Variants in NRXN3 observed in about 807,000 individuals in gnomAD.
NRXN3 encodes the protein neurexin 3, also known as neurexin III.
A neutral mutation model predicts 137.6 loss-of-function variants in NRXN3; 32 were observed. That is an observed-to-expected ratio of 0.23 (90% CI 0.18 to 0.31). The LOEUF is 0.31. NRXN3 is among the 10% of genes least tolerant of loss of function. The pLI is 1.00. For missense variants in NRXN3, 1,574 were observed against 2,062.5 expected (o/e 0.76, Z 4.59); for synonymous variants, 798 against 784.5 (o/e 1.02, Z -0.29).
At chr14:79,314,498 G>A (rs1411373721) in intron 15 of NRXN3, among the ~76,000 whole-genome samples, 19 of 31,724 alleles carry the variant, frequency 6.0e-4, no homozygotes, top group South Asian at 3.4e-3. Flanking sequence ...AGGGGCGCCC[G>A]CCATTGCCCA....
chr14:78,782,838 G>A (rs534066073), intron 8 of NRXN3, among the ~76,000 whole-genome samples: 57 of 152,310 alleles, frequency 3.7e-4, no homozygotes, highest in African/African-American at 1.3e-3. Context: ...CATTGTGCTG[G>A]TGTAATCTGT....
intron 1 of NRXN3, among the ~76,000 whole-genome samples, chr14:78,200,896 T>C (rs918398982): frequency 2.0e-5 from 3 of 152,182 alleles, no homozygotes; most frequent in African/African-American, 7.2e-5. Flanking sequence ...TATAATTTTC[T>C]GGACCTAGGT....
At position 79,574,286 on chromosome 14, in the gene NRXN3, A is replaced by C. The variant is rs564184744; in HGVS notation, c.3445-89492A>C. 2.9e-4 allele frequency among the ~76,000 whole-genome samples: 44 copies of C among 152,176 alleles called. 1 individual carries two copies. Among genetic ancestry groups the C allele is most frequent in the Admixed American group, 2.6e-3 (40 of 15,266 alleles). ...TATATCTGCAATTGTCTAAAGGTAG[A>C]TGGTATAGCATAAAGGTTAAGAGTG... On this transcript the variant is annotated intron_variant, in intron 16 of 20. Transcript: ENST00000335750.
intron 4 of NRXN3, among the ~76,000 whole-genome samples, chr14:78,429,809 T>A (rs1381253806): frequency 5.3e-5 from 8 of 152,246 alleles, no homozygotes; most frequent in Admixed American, 5.2e-4. Context: ...GCTGAAAATA[T>A]GTGTTAGTAT....
intron 16 of NRXN3, among the ~76,000 whole-genome samples, chr14:79,623,847 C>CTTTTTT (rs1484891031): frequency 2.1e-5 from 2 of 95,960 alleles, no homozygotes; most frequent in African/African-American, 1.3e-4. Context: ...TCCTTAGCTC[C>CTTTTTT]TGTTTTTTTT....
intron 16 of NRXN3, among the ~76,000 whole-genome samples, chr14:79,517,228 G>A (rs1222022794): frequency 6.6e-6 from 1 of 151,928 alleles, no homozygotes; most frequent in Non-Finnish European, 1.5e-5. Context: ...TTCTTATGAT[G>A]AGTGAGATTG....
In NRXN3 at chr14:79,460,386, C is replaced by CT. The variant is rs755835625; in HGVS notation, c.3263-6827dup. On this transcript the variant is annotated intron_variant, in intron 15 of 20. Coordinates refer to ENST00000335750, the MANE Select transcript of NRXN3 (RefSeq NM_001330195.2). Reference sequence around the variant, plus strand: ...ACCACCAGAATTAAGTAGTGGTAGACTTTTTTTTATTCATGGAAAACATTT... The same window carrying CT: ...ACCACCAGAATTAAGTAGTGGTAGACTTTTTTTTTATTCATGGAAAACATTT... Among the ~76,000 whole-genome samples the CT allele has an allele frequency of 5.9e-5, 9 of 151,968 alleles. 1 individual carries two copies. The East Asian group carries it at 7.7e-4, about 13-fold the overall frequency.
At chr14:78,335,906 AG>A (rs2081407080) in intron 4 of NRXN3, among the ~76,000 whole-genome samples, 4 of 152,346 alleles carry the variant, frequency 2.6e-5, no homozygotes, top group Admixed American at 1.3e-4. Context: ...TAAGGTAACC[AG>A]AACCCTAACT....
intron 19 of NRXN3, among the ~76,000 whole-genome samples, chr14:79,766,908 G>A (rs547880130): frequency 6.6e-6 from 1 of 152,284 alleles, no homozygotes; most frequent in South Asian, 2.1e-4. Flanking sequence ...TGCTGGAAGT[G>A]GGTTTGCAAG....
intron 4 of NRXN3, among the ~76,000 whole-genome samples, chr14:78,315,045 T>C (rs912082433): frequency 1.3e-5 from 2 of 150,930 alleles, no homozygotes; most frequent in African/African-American, 4.9e-5. Flanking sequence ...AGGGTCTTGC[T>C]CTGTCACCCA....
At chr14:78,579,281 T>A (rs1444917265) in intron 4 of NRXN3, among the ~76,000 whole-genome samples, 1 of 152,206 alleles carries the variant, frequency 6.6e-6, no homozygotes. Context: ...GATGGCAAAG[T>A]GCTCAGTTAG....
At chr14:78,713,283 TCTC>T (rs2098417790) in intron 7 of NRXN3, among the ~76,000 whole-genome samples, 1 of 152,134 alleles carries the variant, frequency 6.6e-6, no homozygotes, top group African/African-American at 2.4e-5. Context: ...TCTGACTTGA[TCTC>T]CTGCTCACCC....
intron 10 of NRXN3, among the ~76,000 whole-genome samples, chr14:78,928,746 G>A (rs1440935220): frequency 6.6e-6 from 1 of 151,882 alleles, no homozygotes; most frequent in Non-Finnish European, 1.5e-5. Context: ...TTGTGAATTA[G>A]TGCCTCAATA....
intron 16 of NRXN3, among the ~76,000 whole-genome samples, chr14:79,520,662 G>T (rs972147753): frequency 6.6e-6 from 1 of 152,140 alleles, no homozygotes; most frequent in African/African-American, 2.4e-5. Flanking sequence ...TTGTATATGT[G>T]CCACATTTTC....
At chr14:79,808,940 G>C (rs2140773691) in intron 20 of NRXN3, among the ~76,000 whole-genome samples, 1 of 152,168 alleles carries the variant, frequency 6.6e-6, no homozygotes, top group South Asian at 2.1e-4. Context: ...TTATATTTAG[G>C]AACAAGGTAA....
intron 4 of NRXN3, among the ~76,000 whole-genome samples, chr14:78,501,285 C>T (rs1035652804): frequency 2.0e-5 from 3 of 152,094 alleles, no homozygotes; most frequent in Non-Finnish European, 2.9e-5. Flanking sequence ...TCCTAAGGGT[C>T]GACTGGCAAA....
intron 10 of NRXN3, among the ~76,000 whole-genome samples, chr14:78,892,835 A>G (rs1398307362): frequency 6.7e-6 from 1 of 149,490 alleles, no homozygotes; most frequent in Non-Finnish European, 1.5e-5. Context: ...AAGGAGTCAC[A>G]CGGCTGCTTT....
chr14:78,375,672 G>A (rs1485721508), intron 4 of NRXN3, among the ~76,000 whole-genome samples: 1 of 152,164 alleles, frequency 6.6e-6, no homozygotes, highest in East Asian at 1.9e-4. Context: ...AAAATACAAT[G>A]AATGTATAGA....
chr14:78,646,722 G>T (rs8181983), intron 5 of NRXN3, among the ~76,000 whole-genome samples: 152,231 of 152,322 alleles, frequency 1, 76,071 homozygotes, highest in Middle Eastern at 1. Context: ...GAGTCCCCAA[G>T]CATCTTGACA....
Sources: allele counts gnomAD v4.1 joint callset (sites outside exome capture counted in the v4.1 genomes callset), GRCh38; gene constraint gnomAD v4.1.1; transcripts MANE v1.5; gene names NCBI Gene and HGNC (gene_info 2026-07-23, HGNC 2026-07-21).